PDZRN4: variants seen among roughly 807,000 people sequenced by gnomAD.
PDZRN4 encodes the protein PDZ domain containing ring finger 4, also known as PDZ domain-containing RING finger protein 4.
In PDZRN4, 70 loss-of-function variants were observed where a neutral mutation model predicts 99.0. The ratio of observed to expected loss-of-function variants is 0.71; its 90% CI spans 0.58 to 0.86. PDZRN4 has a LOEUF of 0.86. PDZRN4 is among the 40% of genes least tolerant of loss of function. The probability of loss-of-function intolerance (pLI) is 0.00; values close to 1 mark genes in which losing one functional copy is unlikely to be tolerated. For synonymous variants in PDZRN4, 551 were observed against 501.6 expected (o/e 1.10, Z -1.32); for missense variants, 1,474 against 1,331.2 (o/e 1.11, Z -1.67).
At chr12:41,305,731 A>G (rs1951565445) in intron 3 of PDZRN4, among the ~76,000 whole-genome samples, 1 of 152,214 alleles carries the variant, frequency 6.6e-6, no homozygotes, top group South Asian at 2.1e-4. Flanking sequence ...GTGGGGGGAC[A>G]TGAGCATTGA....
intron 3 of PDZRN4, among the ~76,000 whole-genome samples, chr12:41,229,974 C>T (rs919876585): frequency 2.6e-5 from 4 of 151,964 alleles, no homozygotes; most frequent in East Asian, 1.9e-4. Context: ...CGGCTTTTGT[C>T]AGAGCTGGTT....
At chr12:41,407,253 G>T (rs550463963) in intron 3 of PDZRN4, among the ~76,000 whole-genome samples, 44 of 152,248 alleles carry the variant, frequency 2.9e-4, no homozygotes, top group Non-Finnish European at 5.0e-4. Flanking sequence ...TAATGGAGTG[G>T]ACTTAGCTAG....
intron 3 of PDZRN4, among the ~76,000 whole-genome samples, chr12:41,453,461 G>A (rs1283566239): frequency 6.6e-6 from 1 of 152,174 alleles, no homozygotes; most frequent in African/African-American, 2.4e-5. Flanking sequence ...TTCTGAGAAT[G>A]TGACTTTGAA....
At chr12:41,342,623 T>C (rs1951826401) in intron 3 of PDZRN4, among the ~76,000 whole-genome samples, 1 of 151,810 alleles carries the variant, frequency 6.6e-6, no homozygotes, top group Non-Finnish European at 1.5e-5. Flanking sequence ...TCAACATAAC[T>C]AATCAGGAAA....
intron 3 of PDZRN4, among the ~76,000 whole-genome samples, chr12:41,449,379 T>A (rs909061779): frequency 4.6e-5 from 7 of 152,192 alleles, no homozygotes; most frequent in Non-Finnish European, 8.8e-5. Flanking sequence ...CTTCAATCTC[T>A]GCATCCTCAG....
chr12:41,230,754 T>A (rs1591977459), intron 3 of PDZRN4, among the ~76,000 whole-genome samples: 1 of 152,268 alleles, frequency 6.6e-6, no homozygotes, highest in South Asian at 2.1e-4. Context: ...GTGTTTCAAT[T>A]ATTTTAGAAA....
At chr12:41,345,252 T>C (rs1951845169) in intron 3 of PDZRN4, among the ~76,000 whole-genome samples, 1 of 152,202 alleles carries the variant, frequency 6.6e-6, no homozygotes, top group Admixed American at 6.5e-5. Context: ...GATGCTGCAT[T>C]AATGCACGGC....
At chr12:41,242,628 GACAC>G (rs112751345) in intron 3 of PDZRN4, among the ~76,000 whole-genome samples, 13 of 148,636 alleles carry the variant, frequency 8.7e-5, no homozygotes, top group East Asian at 2.0e-4. Context: ...TGTTCTTGTG[GACAC>G]ACACACACAC....
At chr12:41,207,920 T>G (rs7956699) in intron 3 of PDZRN4, among the ~76,000 whole-genome samples, 104,426 of 151,290 alleles carry the variant, frequency 0.69, 36,313 homozygotes, top group South Asian at 0.75. Flanking sequence ...GTGAATTCAA[T>G]TGAATTACAG....
At position 41,563,901 on chromosome 12, in the gene PDZRN4, A is replaced by G. The variant is rs1939316874; in HGVS notation, c.1467+252A>G. On this transcript the variant is annotated intron_variant, in intron 8 of 9. Transcript: ENST00000402685. ...TAATTTATCAAAAGTATTACACATTAAAGACTTCCTTATATTGCTCCATAG... is the reference window on the plus strand; with the variant it reads ...TAATTTATCAAAAGTATTACACATTGAAGACTTCCTTATATTGCTCCATAG... 2.0e-5 allele frequency among the ~76,000 whole-genome samples: 3 copies of G among 152,210 alleles called. No homozygotes were observed. In the South Asian group the frequency reaches 6.2e-4, roughly 32 times the overall value.
intron 3 of PDZRN4, among the ~76,000 whole-genome samples, chr12:41,473,004 T>C (rs766538562): frequency 1.3e-5 from 2 of 152,214 alleles, no homozygotes; most frequent in Non-Finnish European, 2.9e-5. Context: ...AGTAAGTGGA[T>C]AGAATGCAAA....
At chr12:41,232,387 T>C (rs190370728) in intron 3 of PDZRN4, among the ~76,000 whole-genome samples, 8 of 152,194 alleles carry the variant, frequency 5.3e-5, no homozygotes, top group Admixed American at 2.0e-4. Flanking sequence ...AAAATTCCTT[T>C]GCTATTTTTC....
chr12:41,287,044 A>C (rs1487806738), intron 3 of PDZRN4, among the ~76,000 whole-genome samples: 1 of 152,170 alleles, frequency 6.6e-6, no homozygotes, highest in Admixed American at 6.5e-5. Flanking sequence ...TAATGTCCGC[A>C]GAGGACCCCA....
intron 3 of PDZRN4, among the ~76,000 whole-genome samples, chr12:41,378,686 CT>C (rs1952100087): frequency 6.6e-6 from 1 of 151,908 alleles, no homozygotes; most frequent in Non-Finnish European, 1.5e-5. Flanking sequence ...CCATGCCCAG[CT>C]AGTTTTTCTA....
chr12:41,354,696 C>T (rs531695486), intron 3 of PDZRN4, among the ~76,000 whole-genome samples: 6 of 151,994 alleles, frequency 3.9e-5, no homozygotes, highest in African/African-American at 7.2e-5. Context: ...CAGAAAATAC[C>T]AGGCTTAGAT....
chr12:41,553,482 G>A (rs1401807628), intron 6 of PDZRN4, among the ~76,000 whole-genome samples: 3 of 151,602 alleles, frequency 2.0e-5, no homozygotes, highest in Admixed American at 6.6e-5. Flanking sequence ...TTGAGAAGCC[G>A]AGACAGGAAG....
At chr12:41,280,809 A>G (rs1034541127) in intron 3 of PDZRN4, among the ~76,000 whole-genome samples, 1 of 152,040 alleles carries the variant, frequency 6.6e-6, no homozygotes, top group African/African-American at 2.4e-5. Context: ...AAACGTTCAT[A>G]CCTGCAGGCT....
At chr12:41,412,510 G>T (rs1266380276) in intron 3 of PDZRN4, 2 of 152,100 alleles carry the variant, frequency 1.3e-5, no homozygotes, top group Non-Finnish European at 2.9e-5. Context: ...GGAGAGACGG[G>T]TGATAACAGG....
chr12:41,308,673 T>C (rs934134676), intron 3 of PDZRN4, among the ~76,000 whole-genome samples: 1 of 152,124 alleles, frequency 6.6e-6, no homozygotes, highest in Non-Finnish European at 1.5e-5. Context: ...CAAGAATATA[T>C]TTATATCTGA....
Sources: gnomAD v4.1 joint callset for allele counts (sites outside exome capture counted in the v4.1 genomes callset) on GRCh38, gnomAD v4.1.1 for gene constraint, MANE v1.5 for transcripts, NCBI Gene and HGNC (gene_info 2026-07-23, HGNC 2026-07-21) for gene names.